RPS6KC1: variants seen among roughly 807,000 people sequenced by gnomAD.
The protein encoded by RPS6KC1 is ribosomal protein S6 kinase C1.
A neutral mutation model predicts 103.8 loss-of-function variants in RPS6KC1; 54 were observed. That is an observed-to-expected ratio of 0.52 (90% confidence interval 0.42 to 0.65). The LOEUF is 0.65. Ranked by LOEUF, RPS6KC1 falls within the 30% of genes least tolerant of loss-of-function variation. The pLI is 0.00. For missense variants in RPS6KC1, 1,151 were observed against 1,253.8 expected (o/e 0.92, Z 1.24); for synonymous variants, 439 against 438.7 (o/e 1.00, Z -0.01).
At chr1:213,152,099 GA>G (rs2089149526) in intron 6 of RPS6KC1, among the ~76,000 whole-genome samples, 1 of 139,608 alleles carries the variant, frequency 7.2e-6, no homozygotes, top group Non-Finnish European at 1.6e-5. Context: ...TGGCTGGGCA[GA>G]GGGGCTCCTC....
the RPS6KC1 span, among the ~76,000 whole-genome samples, chr1:213,392,126 A>G: frequency 0.012 from 1,867 of 152,298 alleles, 31 homozygotes; most frequent in African/African-American, 0.042. Flanking sequence ...CCCCCAGTAC[A>G]GAAAAAGTCC....
chr1:213,058,460 A>G (rs945200954), intron 1 of RPS6KC1, among the ~76,000 whole-genome samples: 2 of 137,990 alleles, frequency 1.4e-5, no homozygotes, highest in Non-Finnish European at 3.2e-5. Flanking sequence ...TTGTTTTTTT[A>G]TAAGGTGTAA....
intron 7 of RPS6KC1, among the ~76,000 whole-genome samples, chr1:213,172,715 C>T (rs1057148436): frequency 1.8e-4 from 28 of 152,284 alleles, no homozygotes; most frequent in African/African-American, 6.3e-4. Context: ...AACAGAGATG[C>T]CTGCCGTGGA....
the RPS6KC1 span, among the ~76,000 whole-genome samples, chr1:213,671,815 CAAA>C: frequency 6.6e-6 from 1 of 151,952 alleles, no homozygotes; most frequent in Non-Finnish European, 1.5e-5. Flanking sequence ...AAAACAAAAA[CAAA>C]GAAATGATAA....
chr1:213,664,851 C>T, the RPS6KC1 span, among the ~76,000 whole-genome samples: 15 of 152,168 alleles, frequency 9.9e-5, no homozygotes, highest in African/African-American at 3.1e-4. Context: ...GAGACCTCTA[C>T]GTAGCAATGT....
At chr1:213,073,410 G>A (rs1228169394) in intron 2 of RPS6KC1, among the ~76,000 whole-genome samples, 3 of 152,202 alleles carry the variant, frequency 2.0e-5, no homozygotes, top group African/African-American at 4.8e-5. Context: ...TCCTAAGAAT[G>A]CTAAAAGATC....
chr1:213,412,162 G>A, the RPS6KC1 span, among the ~76,000 whole-genome samples: 1 of 152,146 alleles, frequency 6.6e-6, no homozygotes, highest in African/African-American at 2.4e-5. Context: ...AGACCACTAA[G>A]TTCCCGTTTT....
the RPS6KC1 span, among the ~76,000 whole-genome samples, chr1:213,742,620 T>C: frequency 6.6e-6 from 1 of 152,236 alleles, no homozygotes; most frequent in Non-Finnish European, 1.5e-5. Context: ...TGGCTTGTCA[T>C]GTTAACAATG....
At chr1:213,288,267 C>T in the RPS6KC1 span, among the ~76,000 whole-genome samples, 2 of 152,334 alleles carry the variant, frequency 1.3e-5, no homozygotes, top group East Asian at 3.9e-4. Flanking sequence ...AAGGGAATAC[C>T]ATCCCAGTCA....
chr1:213,197,784 C>T (rs1391549), intron 8 of RPS6KC1, among the ~76,000 whole-genome samples: 110,908 of 152,042 alleles, frequency 0.73, 41,212 homozygotes, highest in African/African-American at 0.86. Flanking sequence ...TGCTTACTTT[C>T]GGCTTTCATT....
At chr1:213,859,845 A>AT in the RPS6KC1 span, among the ~76,000 whole-genome samples, 1 of 152,170 alleles carries the variant, frequency 6.6e-6, no homozygotes, top group African/African-American at 2.4e-5. Context: ...AAAACTCCAT[A>AT]TTTTTAAATC....
At chr1:213,077,185 G>A (rs2148521461) in intron 2 of RPS6KC1, among the ~76,000 whole-genome samples, 1 of 152,202 alleles carries the variant, frequency 6.6e-6, no homozygotes, top group Admixed American at 6.5e-5. Context: ...ATCCTTTTAG[G>A]CAAATACCGA....
chr1:213,185,181 T>G (rs2092465724), intron 8 of RPS6KC1, among the ~76,000 whole-genome samples: 1 of 152,236 alleles, frequency 6.6e-6, no homozygotes. Context: ...ATTTGTAGTC[T>G]GTTTTATCTA....
chr1:213,730,090 A>G, the RPS6KC1 span, among the ~76,000 whole-genome samples: 22 of 152,320 alleles, frequency 1.4e-4, no homozygotes, highest in South Asian at 4.6e-3. Flanking sequence ...CATGTCCAGT[A>G]AAGAACATGA....
At chr1:213,538,180 GGGCCAATAAATCTC>G in the RPS6KC1 span, among the ~76,000 whole-genome samples, 1 of 152,132 alleles carries the variant, frequency 6.6e-6, no homozygotes, top group Non-Finnish European at 1.5e-5. Context: ...CAGGTTTGGT[GGGCCAATAAATCTC>G]AGTTTGGTGA....
At chr1:213,700,304 A>G in the RPS6KC1 span, among the ~76,000 whole-genome samples, 9 of 151,894 alleles carry the variant, frequency 5.9e-5, no homozygotes, top group African/African-American at 2.2e-4. Flanking sequence ...TATTGAAGAG[A>G]CTGTCTTTTC....
chr1:213,410,590 C>A, the RPS6KC1 span, among the ~76,000 whole-genome samples: 5 of 152,074 alleles, frequency 3.3e-5, no homozygotes, highest in African/African-American at 1.2e-4. Flanking sequence ...CATGGGGAGT[C>A]CAGCTCAAAA....
At chr1:213,328,533 TATATATATCA>T in the RPS6KC1 span, among the ~76,000 whole-genome samples, 9 of 103,662 alleles carry the variant, frequency 8.7e-5, no homozygotes, top group Non-Finnish European at 1.6e-4. Flanking sequence ...TATATATATA[TATATATATCA>T]CACACACACG....
intron 4 of RPS6KC1, among the ~76,000 whole-genome samples, chr1:213,108,300 C>T (rs1168965174): frequency 2.6e-5 from 4 of 152,104 alleles, no homozygotes; most frequent in Non-Finnish European, 4.4e-5. Context: ...AATTCATCTT[C>T]TGGTGTGTGT....
Sources: gnomAD v4.1 joint callset for allele counts (sites outside exome capture counted in the v4.1 genomes callset) on GRCh38, gnomAD v4.1.1 for gene constraint, MANE v1.5 for transcripts, NCBI Gene and HGNC (gene_info 2026-07-23, HGNC 2026-07-21) for gene names.